The following XIRP2 variants were observed in gnomAD, a reference collection of about 807,000 sequenced individuals.
XIRP2 encodes the protein xin actin-binding repeat-containing protein 2.
Under a neutral mutation model 277.0 loss-of-function variants are expected in XIRP2, and 236 were observed. The observed-to-expected ratio is 0.85, with a 90% confidence interval of 0.77 to 0.95. XIRP2 has a LOEUF of 0.95. XIRP2 is among the 40% of genes least tolerant of loss of function. The pLI is 0.00. For missense variants in XIRP2, 4,640 were observed against 4,157.5 expected (o/e 1.12, Z -3.19); for synonymous variants, 1,490 against 1,416.5 (o/e 1.05, Z -1.17).
chr2:166,932,830 T>A (rs1685384452), intron 2 of XIRP2, among the ~76,000 whole-genome samples: 1 of 152,132 alleles, frequency 6.6e-6, no homozygotes, highest in East Asian at 1.9e-4. Flanking sequence ...TGCCATGACA[T>A]GTTTGTCAAA....
rs745669656 is a variant in XIRP2, at chr2:166,903,757, G to A, written c.275G>A (p.Arg92Gln). 1.7e-4 allele frequency: 280 copies of A among 1,613,494 alleles called. 1 individual carries two copies. The highest frequency in any genetic ancestry group is 2.3e-4 in the Non-Finnish European group (269 of 1,179,774). Residue 92 changes from arginine to glutamine, a missense_variant, in exon 2 of 11, where the codon CGG becomes CAG. Coordinates refer to ENST00000409195, the MANE Select transcript of XIRP2 (RefSeq NM_152381.6). Reference sequence around the variant, plus strand: ...AGTAACAACACCAGGGAATATGGTCGGCCAGAAGTGCTGAAGGAGGATTCC... The same window carrying A: ...AGTAACAACACCAGGGAATATGGTCAGCCAGAAGTGCTGAAGGAGGATTCC... ...DKSNNTREYG[R>Q]PEVLKEDSLS...
intron 2 of XIRP2, among the ~76,000 whole-genome samples, chr2:166,912,490 A>T (rs374885010): frequency 2.0e-5 from 3 of 152,030 alleles, no homozygotes; most frequent in African/African-American, 7.3e-5. Flanking sequence ...TACTTTGGTT[A>T]TTCTAGTTAG....
chr2:167,223,361 T>C (rs957855221), intron 5 of XIRP2, among the ~76,000 whole-genome samples: 1 of 152,172 alleles, frequency 6.6e-6, no homozygotes, highest in Non-Finnish European at 1.5e-5. Flanking sequence ...TTCCTGACCT[T>C]TGCCCTGCCA....
chr2:167,246,671 A>C lies in XIRP2; in HGVS notation c.5279A>C (p.Gln1760Pro). Reference protein sequence around the residue: ...IEAGALDYLKQLHTESNETLT... With the variant: ...IEAGALDYLKPLHTESNETLT... ...GCTGGAGCTTTGGATTATCTGAAAC[A>C]ACTCCACACAGAGTCAAATGAAACA... Residue 1760 changes from glutamine (Q) to proline (P), a missense_variant, in exon 9 of 11, where the codon CAA becomes CCA. Coordinates refer to ENST00000409195, the MANE Select transcript of XIRP2 (RefSeq NM_152381.6). The C allele has an allele frequency of 6.2e-7, 1 of 1,613,766 alleles. No homozygotes were observed. The highest frequency in any genetic ancestry group is 1.7e-5 in the Admixed American group (1 of 59,986).
At chr2:167,168,916 C>A (rs1158913079) in intron 3 of XIRP2, among the ~76,000 whole-genome samples, 3 of 152,144 alleles carry the variant, frequency 2.0e-5, no homozygotes, top group Non-Finnish European at 2.9e-5. Flanking sequence ...TCTTCTTTAT[C>A]CATTAGGGCC....
At chr2:166,902,947 C>T (rs1391586204) in intron 1 of XIRP2, among the ~76,000 whole-genome samples, 1 of 151,994 alleles carries the variant, frequency 6.6e-6, no homozygotes, top group Non-Finnish European at 1.5e-5. Context: ...AAGTGTTTTG[C>T]CTGACAACAA....
At chr2:167,085,985 A>G (rs1331014005) in intron 2 of XIRP2, among the ~76,000 whole-genome samples, 2 of 151,800 alleles carry the variant, frequency 1.3e-5, no homozygotes. Flanking sequence ...TCCTGTCATT[A>G]TGATGTTAGC....
chr2:166,891,111 T>C (rs926513402), intron 1 of XIRP2, among the ~76,000 whole-genome samples: 3 of 152,306 alleles, frequency 2.0e-5, no homozygotes, highest in Non-Finnish European at 2.9e-5. Context: ...GTTAAAGAAC[T>C]GTTAAATTTG....
At chr2:167,048,082 T>C (rs1000597298) in intron 2 of XIRP2, among the ~76,000 whole-genome samples, 4 of 152,000 alleles carry the variant, frequency 2.6e-5, no homozygotes, top group African/African-American at 9.7e-5. Context: ...AATTAGGTTT[T>C]AACATATAAA....
chr2:167,231,880 T>G (rs1553502383), intron 5 of XIRP2, among the ~76,000 whole-genome samples: 1 of 152,018 alleles, frequency 6.6e-6, no homozygotes, highest in Non-Finnish European at 1.5e-5. Flanking sequence ...GATAGCATTG[T>G]CAGTGAATGT....
rs189409795 is a variant in XIRP2, at chr2:166,933,273, C to T, written c.408+29383C>T. Among the ~76,000 whole-genome samples, 361 of 151,752 alleles carry T rather than the reference C, an allele frequency of 2.4e-3. 3 individuals carry two copies. Among genetic ancestry groups the T allele is most frequent in the African/African-American group, 8.2e-3 (341 of 41,398 alleles). On this transcript the variant is annotated intron_variant, in intron 2 of 10. Transcript: ENST00000409195. The stretch of plus-strand genomic sequence containing the variant: ...ACACCATTCTTCTGCCTCAGCCTCC[C>T]GAGTAGCTGGGACTACAGGGGCCCA...
At chr2:166,973,543 G>A (rs748875042) in intron 2 of XIRP2, among the ~76,000 whole-genome samples, 10 of 152,062 alleles carry the variant, frequency 6.6e-5, no homozygotes, top group Admixed American at 4.6e-4. Flanking sequence ...TCAAACTCAG[G>A]TCAATCTGAC....
chr2:167,061,815 T>A (rs1574216564), intron 2 of XIRP2, among the ~76,000 whole-genome samples: 2 of 149,752 alleles, frequency 1.3e-5, no homozygotes, highest in African/African-American at 4.9e-5. Context: ...CAAGGAAGAG[T>A]TTCCCTTCGA....
At position 167,149,466 on chromosome 2, in the gene XIRP2, G is replaced by T. The variant is rs534041463; in HGVS notation, c.562+13404G>T. On this transcript the variant is annotated intron_variant, in intron 3 of 10. Transcript: ENST00000409195. ...AAACATCAATGAAGAATTTGAAAGT[G>T]AACTCTGCATACTCTGGGCATTTAG... 4.7e-4 allele frequency among the ~76,000 whole-genome samples: 72 copies of T among 152,238 alleles called. 1 individual carries two copies. Among genetic ancestry groups the T allele is most frequent in the African/African-American group, 1.7e-3 (69 of 41,548 alleles).
At chr2:167,044,435 A>G (rs936581732) in intron 2 of XIRP2, among the ~76,000 whole-genome samples, 1 of 152,088 alleles carries the variant, frequency 6.6e-6, no homozygotes, top group African/African-American at 2.4e-5. Context: ...CAATCAGGCA[A>G]GAGAAATAGA....
intron 2 of XIRP2, among the ~76,000 whole-genome samples, chr2:167,082,680 A>G (rs1431729512): frequency 1.3e-5 from 2 of 152,036 alleles, no homozygotes; most frequent in African/African-American, 4.8e-5. Context: ...TTTGATTTGC[A>G]TTTCTCTGAT....
At chr2:166,982,739 C>T (rs538490637) in intron 2 of XIRP2, among the ~76,000 whole-genome samples, 188 of 152,242 alleles carry the variant, frequency 1.2e-3, no homozygotes, top group Middle Eastern at 6.8e-3. Context: ...TATTTAAAAG[C>T]ACATTTTCTT....
At chr2:166,981,199 C>G (rs1273558743) in intron 2 of XIRP2, among the ~76,000 whole-genome samples, 1 of 152,138 alleles carries the variant, frequency 6.6e-6, no homozygotes, top group Non-Finnish European at 1.5e-5. Context: ...AGACATTTTT[C>G]TCAGTTCTGG....
chr2:167,242,933 A>G lies in XIRP2; in HGVS notation c.1541A>G (p.Glu514Gly). The G allele has an allele frequency of 6.2e-7, 1 of 1,613,628 alleles. No homozygotes were observed. The highest frequency in any genetic ancestry group is 1.3e-5 in the African/African-American group (1 of 74,952). Residue 514 changes from glutamate to glycine, a missense_variant, in exon 9 of 11, where the codon GAA becomes GGA. Physicochemically the swap from Glu to Gly is moderately conservative, Grantham distance 98. Transcript: ENST00000409195. The stretch of plus-strand genomic sequence containing the variant: ...CATCCTGAGTTAAGAAAAAACTTAG[A>G]AAAAGATTATATCAGTGAAGTTTCT... ...HIHPELRKNL[E>G]KDYISEVSEI...
Sources: gnomAD v4.1 joint callset for allele counts (sites outside exome capture counted in the v4.1 genomes callset) on GRCh38, gnomAD v4.1.1 for gene constraint, MANE v1.5 for transcripts, NCBI Gene and HGNC (gene_info 2026-07-23, HGNC 2026-07-21) for gene names.